C1orf87: variants seen among roughly 807,000 people sequenced by gnomAD.
C1orf87 encodes chromosome 1 open reading frame 87.
In C1orf87, 58 loss-of-function variants were observed where a neutral mutation model predicts 60.5. The observed-to-expected ratio is 0.96, with a 90% CI of 0.78 to 1.19. The LOEUF is 1.19. Ranked by LOEUF, C1orf87 falls within the 50% of genes most tolerant of loss-of-function variation. The pLI, the probability that C1orf87 is intolerant of heterozygous loss-of-function variation, is 0.00. For synonymous variants in C1orf87, 236 were observed against 227.4 expected, an observed-to-expected ratio of 1.04 and a Z score of -0.34; for missense variants, 673 against 638.6, an observed-to-expected ratio of 1.05 and a Z score of -0.58.
intron 3 of C1orf87, among the ~76,000 whole-genome samples, chr1:60,042,773 T>G (rs1308951596): frequency 6.6e-6 from 1 of 152,242 alleles, no homozygotes; most frequent in Non-Finnish European, 1.5e-5. Context: ...GTTGTCTAGT[T>G]TGGGCCAGGC....
In C1orf87 at chr1:59,990,549, C is replaced by T. The variant is rs1005197758; in HGVS notation, c.*124G>A. ...ACTAAGTCCAAATCAAAAGCATCTA[C>T]AATAGCTGCATCGGCCTCCACTCTG... On this transcript the variant is annotated 3_prime_UTR_variant, in exon 12 of 12. Coordinates refer to ENST00000371201, the MANE Select transcript of C1orf87 (RefSeq NM_152377.3). 8.5e-7 allele frequency: 1 copy of T among 1,171,934 alleles called. No individual in the cohort carries two copies. The highest frequency in any genetic ancestry group is 1.2e-6 in the Non-Finnish European group (1 of 826,456). 72.6% of individuals were successfully genotyped at this position (1,171,934 alleles called of 1,614,324 possible).
intron 11 of C1orf87, among the ~76,000 whole-genome samples, chr1:59,993,127 G>A (rs972529732): frequency 2.0e-5 from 3 of 152,158 alleles, no homozygotes; most frequent in Admixed American, 1.3e-4. Context: ...CAGCTAAGGT[G>A]GGAGGATCAT....
rs929725908 is a variant in C1orf87 at position 60,037,973 on chromosome 1, C to G, written c.863+19G>C. 8 of 1,557,956 alleles carry G rather than the reference C, an allele frequency of 5.1e-6. No homozygotes were observed. Among genetic ancestry groups the G allele is most frequent in the Non-Finnish European group, 7.1e-6 (8 of 1,132,572 alleles). ...AAGACACCTAGGAACAATACCCTCACAAAAAGGGAGAAGAGTACCTTTGGC... is the reference window on the plus strand; with the variant it reads ...AAGACACCTAGGAACAATACCCTCAGAAAAAGGGAGAAGAGTACCTTTGGC... On this transcript the variant is annotated intron_variant, in intron 6 of 11. Transcript: ENST00000371201.
chr1:60,068,754 T>C (rs1170632406), intron 2 of C1orf87, among the ~76,000 whole-genome samples: 1 of 152,242 alleles, frequency 6.6e-6, no homozygotes, highest in African/African-American at 2.4e-5. Context: ...ATATATTTAA[T>C]TCTTTGGCCT....
chr1:60,019,587 C>T (rs185593079), intron 8 of C1orf87, among the ~76,000 whole-genome samples: 153 of 152,068 alleles, frequency 1.0e-3, no homozygotes, highest in African/African-American at 3.3e-3. Flanking sequence ...AGGAAGATGT[C>T]GGAAAAATTT....
intron 9 of C1orf87, among the ~76,000 whole-genome samples, chr1:60,004,521 C>T (rs995887419): frequency 6.6e-6 from 1 of 152,000 alleles, no homozygotes; most frequent in South Asian, 2.1e-4. Flanking sequence ...CCATTCCTCT[C>T]TACCGTCTGC....
chr1:60,015,898 T>C (rs1383330063), intron 8 of C1orf87, among the ~76,000 whole-genome samples: 2 of 152,150 alleles, frequency 1.3e-5, no homozygotes, highest in Admixed American at 6.5e-5. Flanking sequence ...ACTGGAGGCA[T>C]GTGCCACCAC....
intron 4 of C1orf87, 109 bp downstream of exon 4, chr1:60,040,882 T>A: frequency 8.0e-7 from 1 of 1,247,154 alleles, no homozygotes; most frequent in Non-Finnish European, 1.1e-6. Flanking sequence ...TGTAAGCCAC[T>A]ATGACCAGCC....
chr1:60,053,403 T>A (rs984616936), intron 3 of C1orf87, among the ~76,000 whole-genome samples: 3 of 151,958 alleles, frequency 2.0e-5, no homozygotes, highest in South Asian at 4.2e-4. Flanking sequence ...ATAATAGGAG[T>A]TCCTACCTCG....
chr1:60,030,915 G>A (rs972655242), intron 7 of C1orf87, among the ~76,000 whole-genome samples: 3 of 152,236 alleles, frequency 2.0e-5, no homozygotes, highest in African/African-American at 7.2e-5. Flanking sequence ...ATTGATTTTA[G>A]TGACAAGACC....
At chr1:60,043,540 C>A (rs1645342374) in intron 3 of C1orf87, among the ~76,000 whole-genome samples, 1 of 152,098 alleles carries the variant, frequency 6.6e-6, no homozygotes, top group Non-Finnish European at 1.5e-5. Flanking sequence ...TGCCACCATG[C>A]CCAGCTAAAT....
At chr1:59,995,734 C>T (rs1413055176) in intron 11 of C1orf87, among the ~76,000 whole-genome samples, 2 of 152,210 alleles carry the variant, frequency 1.3e-5, no homozygotes, top group African/African-American at 2.4e-5. Flanking sequence ...TTTGTGCCTT[C>T]ATTTGTCTCA....
At position 60,021,745 on chromosome 1, in the gene C1orf87, A is replaced by T. The variant is rs373420812; in HGVS notation, c.1127+3656T>A. ...GGAGATACAGATAATAGCTATACAG[A>T]TGATAAATCTGCAAATTACCTAATT... On this transcript the variant is annotated intron_variant, in intron 8 of 11. Transcript: ENST00000371201. Among the ~76,000 whole-genome samples the T allele has an allele frequency of 3.7e-4, 56 of 152,336 alleles. 1 individual carries two copies. Among genetic ancestry groups the T allele is most frequent in the African/African-American group, 1.2e-3 (51 of 41,580 alleles).
At chr1:60,023,447 G>T (rs1451504828) in intron 8 of C1orf87, among the ~76,000 whole-genome samples, 1 of 151,900 alleles carries the variant, frequency 6.6e-6, no homozygotes, top group Non-Finnish European at 1.5e-5. Flanking sequence ...TCATTTATTT[G>T]TTATTGTGTT....
intron 7 of C1orf87, among the ~76,000 whole-genome samples, chr1:60,031,104 A>G (rs1645234929): frequency 6.6e-6 from 1 of 152,100 alleles, no homozygotes; most frequent in Non-Finnish European, 1.5e-5. Context: ...GGAAATTCAG[A>G]GCTACTTGTC....
At chr1:60,033,149 A>T (rs539547992) in intron 7 of C1orf87, among the ~76,000 whole-genome samples, 90 of 152,350 alleles carry the variant, frequency 5.9e-4, no homozygotes, top group African/African-American at 2.1e-3. Flanking sequence ...TTCTCATTGG[A>T]AGCCAGGAAA....
In C1orf87 at chr1:60,004,529, T is replaced by G. The variant is rs77172049; in HGVS notation, c.1193-3373A>C. Among the ~76,000 whole-genome samples the G allele has an allele frequency of 6.6e-5, 10 of 152,138 alleles. No individual in the cohort carries two copies. In the East Asian group the frequency reaches 1.6e-3, roughly 24 times the overall value. On this transcript the variant is annotated intron_variant, in intron 9 of 11. Transcript: ENST00000371201. ...CCTAGCCCCATTCCTCTCTACCGTC[T>G]GCACTTCTAAAACTTCCATTAGGAA...
Position 60,033,466 on chromosome 1 carries a change from T to G in C1orf87, c.1029+10A>C. The G allele has an allele frequency of 6.2e-7, 1 of 1,611,166 alleles. No homozygotes were observed. The highest frequency in any genetic ancestry group is 8.5e-7 in the Non-Finnish European group (1 of 1,178,440). On this transcript the variant is annotated intron_variant, in intron 7 of 11. Transcript: ENST00000371201. ...ACAGAGGAACAAATCTGAAATTGAA[T>G]TTTGGTTACCTTAGGTAGAGGGAGG...
intron 3 of C1orf87, among the ~76,000 whole-genome samples, chr1:60,046,370 CTCT>C (rs1342109712): frequency 1.6e-5 from 2 of 122,210 alleles, no homozygotes; most frequent in Non-Finnish European, 3.3e-5. Flanking sequence ...TTCATTCTTT[CTCT>C]TTTTCTTTCT....
Sources: allele counts gnomAD v4.1 joint callset (sites outside exome capture counted in the v4.1 genomes callset), GRCh38; gene constraint gnomAD v4.1.1; transcripts MANE v1.5; gene names NCBI Gene and HGNC (gene_info 2026-07-23, HGNC 2026-07-21).